Variants in TM2D1 observed in about 807,000 individuals in gnomAD.
TM2D1 encodes TM2 domain-containing protein 1.
Under a neutral mutation model 28.4 loss-of-function variants are expected in TM2D1, and 15 were observed. That is an observed-to-expected ratio of 0.53 (90% CI 0.35 to 0.81). The LOEUF (loss-of-function observed/expected upper bound fraction) is 0.81. TM2D1 is among the 40% of genes least tolerant of loss of function. The pLI is 0.01. For synonymous variants in TM2D1, 93 were observed against 96.2 expected, an observed-to-expected ratio of 0.97 and a Z score of 0.20; for missense variants, 236 against 254.9, an observed-to-expected ratio of 0.93 and a Z score of 0.50.
chr1:61,691,932 A>AATAT (rs1163953838), intron 5 of TM2D1, among the ~76,000 whole-genome samples: 3 of 76,412 alleles, frequency 3.9e-5, no homozygotes, highest in East Asian at 4.7e-4. Context: ...AAAAAAAAAA[A>AATAT]ATATATATAT....
intron 2 of TM2D1, among the ~76,000 whole-genome samples, chr1:61,713,889 T>C (rs1211635144): frequency 6.3e-5 from 8 of 127,422 alleles, no homozygotes; most frequent in South Asian, 5.0e-4. Flanking sequence ...TATTTCTTTT[T>C]TTTTTTTTTT....
chr1:61,685,971 C>A (rs1398321747), intron 5 of TM2D1, among the ~76,000 whole-genome samples: 1 of 152,040 alleles, frequency 6.6e-6, no homozygotes, highest in African/African-American at 2.4e-5. Context: ...TATGATCACA[C>A]CACTGCGCTC....
chr1:61,682,306 G>C (rs1644250120), intron 6 of TM2D1, among the ~76,000 whole-genome samples: 1 of 152,106 alleles, frequency 6.6e-6, no homozygotes, highest in Non-Finnish European at 1.5e-5. Flanking sequence ...CTGTGTCTAT[G>C]AAAGCTTCTA....
intron 3 of TM2D1, 108 bp from the exon 4 acceptor site, chr1:61,701,133 T>C (rs1404963822): frequency 2.6e-6 from 2 of 774,300 alleles, no homozygotes; most frequent in Admixed American, 2.6e-5. Context: ...TCAGTTAATG[T>C]TTTTTAGATG....
chr1:61,701,408 G>C (rs1644400627), intron 3 of TM2D1, among the ~76,000 whole-genome samples: 1 of 151,124 alleles, frequency 6.6e-6, no homozygotes, highest in Admixed American at 6.6e-5. Flanking sequence ...CATTAAGAAG[G>C]TGATATTTGA....
intron 3 of TM2D1, among the ~76,000 whole-genome samples, chr1:61,707,876 T>C (rs1644452032): frequency 6.6e-6 from 1 of 152,180 alleles, no homozygotes; most frequent in South Asian, 2.1e-4. Flanking sequence ...GGCTTATTTC[T>C]TGAAACAACC....
chr1:61,698,557 T>TC (rs548329253), intron 4 of TM2D1: 1 of 110,166 alleles, frequency 9.1e-6, no homozygotes, highest in Non-Finnish European at 2.0e-5. Context: ...AAACTCCGCC[T>TC]AAAAAAAAAA....
chr1:61,700,193 A>T, intron 4 of TM2D1: 2 of 1,537,728 alleles, frequency 1.3e-6, no homozygotes, highest in South Asian at 2.5e-5. Context: ...AACAAAGATG[A>T]TAACAACAAA....
intron 2 of TM2D1, among the ~76,000 whole-genome samples, chr1:61,722,154 C>T (rs943637908): frequency 2.6e-5 from 4 of 151,768 alleles, no homozygotes; most frequent in East Asian, 1.9e-4. Context: ...GGCGTGGTGA[C>T]GCACACCTGT....
At chr1:61,690,456 C>CAAAAAAAAAAAAAAA (rs762550068) in intron 5 of TM2D1, among the ~76,000 whole-genome samples, 4 of 60,046 alleles carry the variant, frequency 6.7e-5, no homozygotes, top group African/African-American at 1.9e-4. Context: ...GACTCAGTCT[C>CAAAAAAAAAAAAAAA]AAAAAAAAAA....
At position 61,706,490 on chromosome 1, in the gene TM2D1, G is replaced by A. The variant is rs557534804; in HGVS notation, c.347+2839C>T. ...TGGGATTACAGGTGTGAGCCACCACGCCGAGCCACAAATTCTGTCTTGAAA... is the reference window on the plus strand; with the variant it reads ...TGGGATTACAGGTGTGAGCCACCACACCGAGCCACAAATTCTGTCTTGAAA... On this transcript the variant is annotated intron_variant, in intron 3 of 6. Coordinates refer to ENST00000606498, the MANE Select transcript of TM2D1 (RefSeq NM_032027.3). 1.4e-4 allele frequency among the ~76,000 whole-genome samples: 21 copies of A among 149,930 alleles called. No individual in the cohort carries two copies. In the South Asian group the frequency reaches 1.6e-3, roughly 11 times the overall value.
chr1:61,681,476 T>C (rs961817165), intron 6 of TM2D1, 126 bp from the exon 7 acceptor site: 1 of 152,238 alleles, frequency 6.6e-6, no homozygotes, highest in Non-Finnish European at 1.5e-5. Flanking sequence ...GGAGCACTTC[T>C]GTATAATGTA....
At chr1:61,708,580 C>T (rs1644456116) in intron 3 of TM2D1, among the ~76,000 whole-genome samples, 1 of 152,156 alleles carries the variant, frequency 6.6e-6, no homozygotes, top group African/African-American at 2.4e-5. Context: ...TTCTGTTTAA[C>T]ATTACCATTC....
intron 3 of TM2D1, among the ~76,000 whole-genome samples, chr1:61,708,128 A>G (rs893573429): frequency 3.3e-5 from 5 of 152,092 alleles, no homozygotes; most frequent in African/African-American, 9.7e-5. Context: ...AGCTCACTAC[A>G]ACCTCAAACT....
At chr1:61,710,143 T>TA (rs1358060234) in intron 2 of TM2D1, among the ~76,000 whole-genome samples, 1 of 151,816 alleles carries the variant, frequency 6.6e-6, no homozygotes, top group Non-Finnish European at 1.5e-5. Flanking sequence ...TCTTTGTAGG[T>TA]AAAAATAGTA....
intron 3 of TM2D1, among the ~76,000 whole-genome samples, chr1:61,708,065 GTTTAAT>G (rs780467475): frequency 1.3e-4 from 20 of 152,196 alleles, no homozygotes; most frequent in African/African-American, 4.1e-4. Context: ...TTTAAAAAAT[GTTTAAT>G]TTTAAGTTTT....
chr1:61,691,365 C>T (rs556554060), intron 5 of TM2D1, among the ~76,000 whole-genome samples: 4 of 151,316 alleles, frequency 2.6e-5, no homozygotes, highest in African/African-American at 7.3e-5. Context: ...CATAGTGGTG[C>T]GTGCCTGTAA....
intron 2 of TM2D1, among the ~76,000 whole-genome samples, chr1:61,721,482 C>T (rs765452808): frequency 1.2e-4 from 17 of 147,690 alleles, no homozygotes; most frequent in Non-Finnish European, 2.2e-4. Context: ...GCAGAGGTTG[C>T]AATGAGCTGA....
At chr1:61,716,460 CATATATAATT>C in intron 2 of TM2D1, among the ~76,000 whole-genome samples, 1 of 139,460 alleles carries the variant, frequency 7.2e-6, no homozygotes, top group East Asian at 2.0e-4. Context: ...ATTTTATATA[CATATATAATT>C]ATATATAATT....
Sources: allele counts gnomAD v4.1 joint callset (sites outside exome capture counted in the v4.1 genomes callset), GRCh38; gene constraint gnomAD v4.1.1; transcripts MANE v1.5; gene names NCBI Gene and HGNC (gene_info 2026-07-23, HGNC 2026-07-21).